Variants in RTL4 observed in about 807,000 individuals in gnomAD.
RTL4 encodes retrotransposon Gag-like protein 4.
A neutral mutation model predicts 5.3 loss-of-function variants in RTL4; 4 were observed. The ratio of observed to expected loss-of-function variants is 0.75; its 90% CI spans 0.37 to 1.72. The LOEUF is 1.72. Ranked by LOEUF, RTL4 falls within the 40% of genes most tolerant of loss-of-function variation. The pLI is 0.04. For missense variants in RTL4, 260 were observed against 227.1 expected (o/e 1.14, Z -0.93); for synonymous variants, 98 against 87.3 (o/e 1.12, Z -0.68).
At chrX:112,385,779 T>A in the RTL4 span, among the ~76,000 whole-genome samples, 1 of 112,021 alleles carries the variant, frequency 8.9e-6, no homozygotes, top group Non-Finnish European at 1.9e-5. Flanking sequence ...AACAACCACA[T>A]GTTAGTCAGG....
At chrX:112,316,199 T>G in the RTL4 span, among the ~76,000 whole-genome samples, 1 of 112,334 alleles carries the variant, frequency 8.9e-6, no homozygotes, top group Admixed American at 9.5e-5. Context: ...TTATGAATGA[T>G]TCCTGTTTAT....
the RTL4 span, chrX:112,381,779 A>C: frequency 2.5e-6 from 3 of 1,208,120 alleles, no homozygotes; most frequent in Non-Finnish European, 2.2e-6. Context: ...GGAGACAAAG[A>C]AAGTCCAAGC....
chrX:112,263,947 A>C, the RTL4 span, among the ~76,000 whole-genome samples: 2 of 111,884 alleles, frequency 1.8e-5, no homozygotes, highest in South Asian at 7.6e-4. Flanking sequence ...TTAAGGATTC[A>C]TCTCACTCTT....
the RTL4 span, among the ~76,000 whole-genome samples, chrX:112,430,158 T>C: frequency 9.0e-6 from 1 of 111,647 alleles, no homozygotes; most frequent in Admixed American, 9.5e-5. Flanking sequence ...TTTCCTCTCC[T>C]TCTGGTATTC....
At chrX:112,194,348 G>A in the RTL4 span, among the ~76,000 whole-genome samples, 14 of 110,880 alleles carry the variant, frequency 1.3e-4, no homozygotes, top group Non-Finnish European at 2.5e-4. Context: ...GGTCATGAGG[G>A]TTGGGCTCAA....
At chrX:112,241,002 C>T in the RTL4 span, among the ~76,000 whole-genome samples, 3 of 111,431 alleles carry the variant, frequency 2.7e-5, no homozygotes, top group Middle Eastern at 4.6e-3. Flanking sequence ...ATGAACTCAT[C>T]ATTTTTTATG....
At chrX:112,191,409 T>A in the RTL4 span, among the ~76,000 whole-genome samples, 1 of 111,692 alleles carries the variant, frequency 9.0e-6, no homozygotes, top group South Asian at 3.8e-4. Flanking sequence ...TTTCTTGCCT[T>A]CTGCTCTCTA....
chrX:112,288,076 G>A, the RTL4 span, among the ~76,000 whole-genome samples: 3 of 111,832 alleles, frequency 2.7e-5, no homozygotes, highest in Non-Finnish European at 5.6e-5. Context: ...TGTTGCTCTT[G>A]GTCAATTATT....
the RTL4 span, among the ~76,000 whole-genome samples, chrX:112,338,455 A>C: frequency 8.9e-6 from 1 of 112,281 alleles, no homozygotes; most frequent in Non-Finnish European, 1.9e-5. Context: ...GGAGTAAATT[A>C]AAAGTGACTG....
At chrX:112,436,725 C>A in the RTL4 span, among the ~76,000 whole-genome samples, 11 of 110,133 alleles carry the variant, frequency 1.0e-4, no homozygotes, top group African/African-American at 3.6e-4. Flanking sequence ...GCTTCTCCAG[C>A]GCCCCAGATG....
At chrX:112,185,290 G>A in the RTL4 span, among the ~76,000 whole-genome samples, 2 of 107,348 alleles carry the variant, frequency 1.9e-5, no homozygotes, top group Non-Finnish European at 3.8e-5. Flanking sequence ...AGTGATGTCA[G>A]GAGAAGGGAA....
At chrX:112,198,224 C>T in the RTL4 span, among the ~76,000 whole-genome samples, 3 of 111,346 alleles carry the variant, frequency 2.7e-5, no homozygotes, top group Admixed American at 2.8e-4. Context: ...TACTTTCTAA[C>T]ACATATCAGA....
the RTL4 span, among the ~76,000 whole-genome samples, chrX:112,153,293 T>A: frequency 3.6e-5 from 4 of 111,874 alleles, no homozygotes; most frequent in African/African-American, 1.3e-4. Flanking sequence ...TCATTCATAG[T>A]AGATTTTCTG....
At chrX:112,403,626 T>A in the RTL4 span, among the ~76,000 whole-genome samples, 2 of 112,238 alleles carry the variant, frequency 1.8e-5, no homozygotes, top group African/African-American at 6.5e-5. Context: ...CCTCCAGTGC[T>A]CCTGATATTT....
At chrX:112,328,210 G>C in the RTL4 span, among the ~76,000 whole-genome samples, 4 of 110,222 alleles carry the variant, frequency 3.6e-5, no homozygotes, top group African/African-American at 9.9e-5. Flanking sequence ...ACACAGACTG[G>C]CAAATTGGAT....
the RTL4 span, among the ~76,000 whole-genome samples, chrX:112,225,176 CATTT>C: frequency 4.5e-5 from 5 of 111,790 alleles, no homozygotes; most frequent in East Asian, 1.4e-3. Flanking sequence ...TTGACTACTA[CATTT>C]ATCTGCCTTT....
At chrX:112,339,927 G>A in the RTL4 span, among the ~76,000 whole-genome samples, 1 of 112,448 alleles carries the variant, frequency 8.9e-6, no homozygotes, top group South Asian at 3.6e-4. Flanking sequence ...GTAAACAAAT[G>A]AGTGTGGCTA....
the RTL4 span, among the ~76,000 whole-genome samples, chrX:112,253,365 G>C: frequency 8.9e-6 from 1 of 112,375 alleles, no homozygotes; most frequent in Non-Finnish European, 1.9e-5. Context: ...GAAAGAAGCA[G>C]CTCCAATTAA....
the RTL4 span, among the ~76,000 whole-genome samples, chrX:112,334,372 C>G: frequency 9.0e-6 from 1 of 111,708 alleles, no homozygotes; most frequent in Non-Finnish European, 1.9e-5. Flanking sequence ...TGATGAACCT[C>G]CAAACTGTTA....
Sources: gnomAD v4.1 joint callset for allele counts (sites outside exome capture counted in the v4.1 genomes callset) on GRCh38, gnomAD v4.1.1 for gene constraint, MANE v1.5 for transcripts, NCBI Gene and HGNC (gene_info 2026-07-23, HGNC 2026-07-21) for gene names.